The following SHLD1 variants were observed in gnomAD, a reference collection of about 807,000 sequenced individuals.
The protein encoded by SHLD1 is RINN1-REV7-interacting novel NHEJ regulator 3.
A neutral mutation model predicts 5.5 loss-of-function variants in SHLD1; 3 were observed. The observed-to-expected ratio is 0.54, with a 90% CI of 0.25 to 1.40. SHLD1 has a LOEUF of 1.40. Among genes scored for constraint, SHLD1 ranks in the 40% most tolerant of loss-of-function variants. The pLI is 0.15. For synonymous variants in SHLD1, 92 were observed against 94.3 expected (o/e 0.98, Z 0.14); for missense variants, 210 against 244.4 (o/e 0.86, Z 0.94).
chr20:5,820,617 G>A (rs2087595624), intron 2 of SHLD1, among the ~76,000 whole-genome samples: 1 of 152,156 alleles, frequency 6.6e-6, no homozygotes, highest in African/African-American at 2.4e-5. Context: ...GACATGAGAA[G>A]GTTTAAAAAA....
intron 1 of SHLD1, among the ~76,000 whole-genome samples, chr20:5,770,819 G>C (rs1453035582): frequency 6.6e-6 from 1 of 152,204 alleles, no homozygotes; most frequent in Non-Finnish European, 1.5e-5. Flanking sequence ...TCAAGCGGCT[G>C]AAGCAAAAGG....
intron 2 of SHLD1, among the ~76,000 whole-genome samples, chr20:5,803,906 C>T (rs1450717113): frequency 6.8e-6 from 1 of 146,898 alleles, no homozygotes; most frequent in African/African-American, 2.6e-5. Context: ...AAAAACAAAA[C>T]AAGAATGACG....
At chr20:5,780,339 G>C (rs73894034) in intron 2 of SHLD1, among the ~76,000 whole-genome samples, 11,423 of 152,156 alleles carry the variant, frequency 0.075, 723 homozygotes, top group African/African-American at 0.18. Flanking sequence ...TCCAGACACA[G>C]AGTTGGCAAG....
At chr20:5,844,799 A>ATATATATATATATATATTTTTTT (rs1460082835) in intron 2 of SHLD1, among the ~76,000 whole-genome samples, 1 of 71,692 alleles carries the variant, frequency 1.4e-5, no homozygotes, top group East Asian at 3.7e-4. Context: ...ATATATATAT[A>ATATATATATATATATATTTTTTT]TTTTTTTTTT....
intron 1 of SHLD1, 22 bp downstream of exon 1, chr20:5,750,501 G>GGGGT (rs1983672422): frequency 6.9e-6 from 1 of 145,238 alleles, no homozygotes; most frequent in South Asian, 2.3e-4. Context: ...ATGGGATGGG[G>GGGGT]GGGGGTTGGA....
rs956267991 is a variant in SHLD1, at chr20:5,793,566, G to C, written c.178+20523G>C. ...TTGCTTTCCAAGATTATATAAATAG[G>C]CACCTCCATTTCTTAGTATTTTTAA... On this transcript the variant is annotated intron_variant, in intron 2 of 2. Coordinates refer to ENST00000303142, the MANE Select transcript of SHLD1 (RefSeq NM_152504.4). Among the ~76,000 whole-genome samples, 4 of 151,988 alleles carry C rather than the reference G, an allele frequency of 2.6e-5. No homozygotes were observed. In the South Asian group the frequency reaches 8.3e-4, roughly 32 times the overall value.
intron 2 of SHLD1, among the ~76,000 whole-genome samples, chr20:5,787,907 A>G (rs1018837026): frequency 6.6e-6 from 1 of 152,352 alleles, no homozygotes; most frequent in African/African-American, 2.4e-5. Flanking sequence ...ACTCTTGACT[A>G]GAAAGTCAAC....
At chr20:5,831,094 G>A (rs896855662) in intron 2 of SHLD1, among the ~76,000 whole-genome samples, 2 of 152,142 alleles carry the variant, frequency 1.3e-5, no homozygotes, top group African/African-American at 4.8e-5. Flanking sequence ...CCTCTAGGTG[G>A]GTGCTTCGTG....
At chr20:5,755,180 TCTTACAAGGC>T (rs1984001772) in intron 1 of SHLD1, among the ~76,000 whole-genome samples, 1 of 152,148 alleles carries the variant, frequency 6.6e-6, no homozygotes, top group Admixed American at 6.5e-5. Context: ...ACTAAATATC[TCTTACAAGGC>T]CTTAAAAGAG....
chr20:5,761,002 G>A (rs1568488258), intron 1 of SHLD1, among the ~76,000 whole-genome samples: 1 of 151,962 alleles, frequency 6.6e-6, no homozygotes, highest in African/African-American at 2.4e-5. Flanking sequence ...ATGGGGAGGG[G>A]GAGGGAAGTT....
intron 2 of SHLD1, among the ~76,000 whole-genome samples, chr20:5,782,872 T>C (rs1022857807): frequency 6.6e-6 from 1 of 152,204 alleles, no homozygotes; most frequent in Non-Finnish European, 1.5e-5. Context: ...CAAAATAAAA[T>C]TTATATACTA....
At chr20:5,820,695 T>A (rs954512076) in intron 2 of SHLD1, among the ~76,000 whole-genome samples, 1 of 152,256 alleles carries the variant, frequency 6.6e-6, no homozygotes, top group Non-Finnish European at 1.5e-5. Flanking sequence ...CAGACTGATA[T>A]TAAATGATGG....
chr20:5,790,023 T>A (rs529241372), intron 2 of SHLD1, among the ~76,000 whole-genome samples: 1 of 152,198 alleles, frequency 6.6e-6, no homozygotes, highest in Non-Finnish European at 1.5e-5. Context: ...TTCCTTCCCC[T>A]GCTGAGTGAG....
chr20:5,792,488 C>T (rs2087154629), intron 2 of SHLD1, among the ~76,000 whole-genome samples: 1 of 152,004 alleles, frequency 6.6e-6, no homozygotes, highest in Admixed American at 6.6e-5. Context: ...GGCATGATCT[C>T]GGCTTACTGC....
intron 2 of SHLD1, among the ~76,000 whole-genome samples, chr20:5,861,323 A>C (rs575859892): frequency 9.6e-4 from 146 of 152,344 alleles, no homozygotes; most frequent in African/African-American, 3.4e-3. Context: ...ATATCTATGT[A>C]CATCCTGTGA....
rs192657570 is a variant in SHLD1 at position 5,807,683 on chromosome 20, C to T, written c.178+34640C>T. 1.3e-3 allele frequency among the ~76,000 whole-genome samples: 201 copies of T among 152,254 alleles called. 1 individual carries two copies. The highest frequency in any genetic ancestry group is 2.4e-3 in the Non-Finnish European group (166 of 68,016). ...ATCTCCCAGTTTGGCAAAACATTAA[C>T]CCTAGAATTACTTTAACATTGTTGG... On this transcript the variant is annotated intron_variant, in intron 2 of 2. Transcript: ENST00000303142.
intron 2 of SHLD1, among the ~76,000 whole-genome samples, chr20:5,854,028 A>G (rs1446204074): frequency 1.3e-5 from 2 of 148,194 alleles, no homozygotes; most frequent in African/African-American, 5.0e-5. Flanking sequence ...TTTTTTAGAC[A>G]GAGTTTTGCT....
At chr20:5,822,965 C>T (rs1250621064) in intron 2 of SHLD1, among the ~76,000 whole-genome samples, 1 of 152,022 alleles carries the variant, frequency 6.6e-6, no homozygotes, top group African/African-American at 2.4e-5. Flanking sequence ...CTCTCCAACC[C>T]ACTCCAGTCA....
intron 2 of SHLD1, among the ~76,000 whole-genome samples, chr20:5,819,123 A>G (rs1196165356): frequency 6.6e-6 from 1 of 151,964 alleles, no homozygotes; most frequent in Non-Finnish European, 1.5e-5. Flanking sequence ...CAGCCTCCCA[A>G]AGTGCTGGGA....
Sources: allele counts gnomAD v4.1 joint callset (sites outside exome capture counted in the v4.1 genomes callset), GRCh38; gene constraint gnomAD v4.1.1; transcripts MANE v1.5; gene names NCBI Gene and HGNC (gene_info 2026-07-23, HGNC 2026-07-21).